The following NBAS variants were observed in gnomAD, a reference collection of about 807,000 sequenced individuals.
NBAS encodes NBAS subunit of NRZ tethering complex.
NBAS carries 219 observed loss-of-function variants against 302.5 expected under a neutral mutation model. That is an observed-to-expected ratio of 0.72 (90% CI 0.65 to 0.81). The LOEUF (loss-of-function observed/expected upper bound fraction) is 0.81, where lower values mean the gene tolerates loss of function less well. NBAS is among the 30% of genes least tolerant of loss of function. The pLI, the probability that NBAS is intolerant of heterozygous loss-of-function variation, is 0.00. For synonymous variants in NBAS, 1,118 were observed against 1,021.6 expected (o/e 1.09, Z -1.80); for missense variants, 2,932 against 2,841.6 (o/e 1.03, Z -0.72).
intron 12 of NBAS, among the ~76,000 whole-genome samples, chr2:15,486,368 TAGCTTGAGAATCA>T (rs760438661): frequency 1.2e-4 from 18 of 152,170 alleles, no homozygotes; most frequent in Non-Finnish European, 1.9e-4. Context: ...GAGAAACAAC[TAGCTTGAGAATCA>T]AGTTGCATAG....
At chr2:15,445,658 TAAAA>T (rs1032854091) in intron 21 of NBAS, among the ~76,000 whole-genome samples, 1 of 149,800 alleles carries the variant, frequency 6.7e-6, no homozygotes, top group Non-Finnish European at 1.5e-5. Context: ...AGTATAATAA[TAAAA>T]AAAAATTTTT....
chr2:15,133,841 G>A, the NBAS span, among the ~76,000 whole-genome samples: 1 of 152,070 alleles, frequency 6.6e-6, no homozygotes, highest in African/African-American at 2.4e-5. Flanking sequence ...TTCTGTTTCA[G>A]GAAGGAAAAG....
chr2:15,098,422 A>ATAATATG, the NBAS span, among the ~76,000 whole-genome samples: 18 of 99,582 alleles, frequency 1.8e-4, 1 homozygote, highest in African/African-American at 4.5e-4. Flanking sequence ...TATATTGTAT[A>ATAATATG]TTATATATTA....
chr2:15,315,490 T>G (rs1671466930), intron 38 of NBAS, among the ~76,000 whole-genome samples: 1 of 152,206 alleles, frequency 6.6e-6, no homozygotes, highest in South Asian at 2.1e-4. Flanking sequence ...GTCAAATGCT[T>G]AAGCTCCCTG....
intron 25 of NBAS, among the ~76,000 whole-genome samples, chr2:15,404,710 A>C (rs1446000135): frequency 1.3e-5 from 2 of 151,600 alleles, no homozygotes; most frequent in Non-Finnish European, 2.9e-5. Flanking sequence ...ATGGACTTTC[A>C]CCATGTTGGC....
At chr2:15,212,967 C>T (rs530250142) in intron 48 of NBAS, among the ~76,000 whole-genome samples, 1 of 152,298 alleles carries the variant, frequency 6.6e-6, no homozygotes, top group Admixed American at 6.5e-5. Flanking sequence ...GTATCTACTT[C>T]TTTGTTGATA....
the NBAS span, among the ~76,000 whole-genome samples, chr2:14,803,418 A>G: frequency 1.3e-5 from 2 of 151,874 alleles, no homozygotes; most frequent in African/African-American, 2.4e-5. Context: ...TGCCTTTTGT[A>G]CTCTCACTAC....
the NBAS span, among the ~76,000 whole-genome samples, chr2:15,150,996 G>A: frequency 2.0e-5 from 3 of 152,224 alleles, no homozygotes; most frequent in South Asian, 4.2e-4. Context: ...AAAATTCAAC[G>A]GTGTGTAGAC....
chr2:15,337,161 A>T (rs907270211), intron 35 of NBAS, among the ~76,000 whole-genome samples: 3 of 152,120 alleles, frequency 2.0e-5, no homozygotes, highest in Admixed American at 2.0e-4. Context: ...TTAATATTTT[A>T]AAAATTAAGT....
At chr2:15,499,560 GA>G in intron 11 of NBAS, among the ~76,000 whole-genome samples, 1 of 152,252 alleles carries the variant, frequency 6.6e-6, no homozygotes, top group East Asian at 1.9e-4. Context: ...GGAGCTAAAT[GA>G]TGAGAACACA....
chr2:15,028,931 A>C, the NBAS span, among the ~76,000 whole-genome samples: 6 of 152,344 alleles, frequency 3.9e-5, no homozygotes, highest in East Asian at 1.2e-3. Flanking sequence ...TGACTGGAAT[A>C]ACAGCAAGGA....
At chr2:15,050,120 A>G in the NBAS span, among the ~76,000 whole-genome samples, 1 of 152,076 alleles carries the variant, frequency 6.6e-6, no homozygotes, top group Non-Finnish European at 1.5e-5. Flanking sequence ...GCTTTCTTCA[A>G]CCACTCGAGG....
At chr2:15,509,284 C>G (rs1453509210) in intron 10 of NBAS, among the ~76,000 whole-genome samples, 1 of 152,118 alleles carries the variant, frequency 6.6e-6, no homozygotes, top group Non-Finnish European at 1.5e-5. Context: ...TTATTATGCT[C>G]TATGGTGCCT....
chr2:15,339,055 A>T (rs764275304), intron 35 of NBAS, among the ~76,000 whole-genome samples: 1 of 152,124 alleles, frequency 6.6e-6, no homozygotes, highest in Non-Finnish European at 1.5e-5. Context: ...ATACTATTTC[A>T]GGGGATTTAG....
chr2:15,013,023 A>G, the NBAS span, among the ~76,000 whole-genome samples: 2 of 152,270 alleles, frequency 1.3e-5, no homozygotes, highest in African/African-American at 4.8e-5. Context: ...ATGCCCAGCT[A>G]ATTTTTGTGT....
intron 32 of NBAS, among the ~76,000 whole-genome samples, chr2:15,362,941 G>A (rs1674009315): frequency 6.6e-6 from 1 of 152,026 alleles, no homozygotes; most frequent in African/African-American, 2.4e-5. Flanking sequence ...AAAGAGATGG[G>A]GCCAGGCGCA....
At chr2:14,871,585 A>G in the NBAS span, among the ~76,000 whole-genome samples, 43 of 152,220 alleles carry the variant, frequency 2.8e-4, no homozygotes, top group East Asian at 7.9e-3. Flanking sequence ...AAACATGATG[A>G]CAAGATATTG....
In NBAS at chr2:15,167,171, G is replaced by A. The variant is rs766340026; in HGVS notation, c.6993C>T (p.Gly2331=). 3.8e-5 allele frequency: 62 copies of A among 1,614,258 alleles called. 2 individuals are homozygous for A. In the South Asian group the frequency reaches 6.3e-4, roughly 16 times the overall value. The change falls in exon 52 of 52, where the codon GGC becomes GGT. Residue 2331 remains glycine (G), a synonymous_variant. Transcript: ENST00000281513. The stretch of plus-strand genomic sequence containing the variant: ...CATGGCCGGCCTCCCGCAGGTGTCT[G>A]CCCAGCTCCTCTGCATCCCAGCGCC... ...QQGRWDAEEL[G]RHLREAGHEA...
chr2:15,210,037 A>C (rs2147859375), intron 48 of NBAS, among the ~76,000 whole-genome samples: 1 of 152,216 alleles, frequency 6.6e-6, no homozygotes, highest in Middle Eastern at 3.4e-3. Context: ...GGAAACATTG[A>C]GGAAACTCTC....
Sources: allele counts gnomAD v4.1 joint callset (sites outside exome capture counted in the v4.1 genomes callset), GRCh38; gene constraint gnomAD v4.1.1; transcripts MANE v1.5; gene names NCBI Gene and HGNC (gene_info 2026-07-23, HGNC 2026-07-21).